Variants in TACC2 observed in about 807,000 individuals in gnomAD.
The protein encoded by TACC2 is transforming acidic coiled-coil containing protein 2.
TACC2 carries 137 observed loss-of-function variants against 227.3 expected under a neutral mutation model. The ratio of observed to expected loss-of-function variants is 0.60; its 90% CI spans 0.52 to 0.69. TACC2 has a LOEUF of 0.69. Among genes scored for constraint, TACC2 ranks in the 30% least tolerant of loss-of-function variants. The probability of loss-of-function intolerance (pLI) is 0.00; values close to 1 mark genes in which losing one functional copy is unlikely to be tolerated. For synonymous variants in TACC2, 1,523 were observed against 1,487.5 expected (o/e 1.02, Z -0.55); for missense variants, 3,470 against 3,694.4 (o/e 0.94, Z 1.57).
chr10:122,098,100 G>C (rs1046461240), intron 5 of TACC2, among the ~76,000 whole-genome samples: 1 of 152,136 alleles, frequency 6.6e-6, no homozygotes, highest in East Asian at 1.9e-4. Flanking sequence ...TTGACTCCCA[G>C]CCCAGGGCCC....
intron 11 of TACC2, among the ~76,000 whole-genome samples, chr10:122,224,398 G>A (rs1042729192): frequency 6.6e-5 from 10 of 152,186 alleles, no homozygotes; most frequent in Admixed American, 2.0e-4. Flanking sequence ...TGCACGTGCT[G>A]TCTTATGGGA....
intron 6 of TACC2, among the ~76,000 whole-genome samples, chr10:122,138,097 T>A (rs1178044160): frequency 3.3e-5 from 5 of 152,346 alleles, no homozygotes; most frequent in East Asian, 3.9e-4. Flanking sequence ...TAGTTTATTT[T>A]TTTTTTTTCT....
At chr10:122,149,505 A>AC (rs2091801526) in intron 7 of TACC2, among the ~76,000 whole-genome samples, 1 of 84,838 alleles carries the variant, frequency 1.2e-5, no homozygotes, top group Non-Finnish European at 2.4e-5. Flanking sequence ...TCCCGGCCCC[A>AC]CCCGCCCTGG....
At chr10:122,022,263 A>T (rs949612626) in intron 2 of TACC2, 5 of 430,678 alleles carry the variant, frequency 1.2e-5, no homozygotes, top group Non-Finnish European at 2.1e-5. Flanking sequence ...ATTTTTAAAG[A>T]CATGGTCTTG....
intron 5 of TACC2, among the ~76,000 whole-genome samples, chr10:122,089,577 A>G (rs1261042528): frequency 2.6e-5 from 4 of 152,246 alleles, no homozygotes. Context: ...GTGCACGTAC[A>G]CAGACACACA....
intron 1 of TACC2, among the ~76,000 whole-genome samples, chr10:122,008,831 C>A (rs1228881189): frequency 6.6e-6 from 1 of 152,212 alleles, no homozygotes; most frequent in African/African-American, 2.4e-5. Flanking sequence ...CCTTGGCCTC[C>A]CAAAGTGCTG....
chr10:122,188,372 C>T (rs551884440), intron 7 of TACC2, among the ~76,000 whole-genome samples: 19 of 152,102 alleles, frequency 1.2e-4, no homozygotes, highest in African/African-American at 4.3e-4. Context: ...CTCTGCCTCC[C>T]GGGTTCAAAC....
chr10:122,062,702 G>C (rs1269838516), intron 3 of TACC2, among the ~76,000 whole-genome samples: 3 of 152,134 alleles, frequency 2.0e-5, no homozygotes, highest in African/African-American at 7.2e-5. Context: ...CTCCTAGTTA[G>C]AACAAAAACA....
intron 5 of TACC2, among the ~76,000 whole-genome samples, chr10:122,130,546 G>A (rs1210007547): frequency 1.3e-5 from 2 of 152,098 alleles, no homozygotes; most frequent in Non-Finnish European, 2.9e-5. Flanking sequence ...CCTCCCCAAA[G>A]TGTTGGGATT....
intron 7 of TACC2, among the ~76,000 whole-genome samples, chr10:122,184,058 C>T (rs11817291): frequency 0.02 from 2,977 of 152,266 alleles, 86 homozygotes; most frequent in African/African-American, 0.067. Flanking sequence ...CATGAGGAAG[C>T]TCTGAGGGAC....
intron 7 of TACC2, among the ~76,000 whole-genome samples, chr10:122,186,694 G>A (rs2094205670): frequency 6.6e-6 from 1 of 152,052 alleles, no homozygotes; most frequent in African/African-American, 2.4e-5. Context: ...TATATTTTTA[G>A]TAGAGATGGG....
At chr10:122,089,077 C>T (rs1319534787) in intron 5 of TACC2, among the ~76,000 whole-genome samples, 2 of 152,150 alleles carry the variant, frequency 1.3e-5, no homozygotes, top group African/African-American at 4.8e-5. Context: ...CGTGTTTGTG[C>T]CACTGCACTC....
At chr10:122,143,975 T>C (rs7902188) in intron 7 of TACC2, among the ~76,000 whole-genome samples, 105,134 of 152,106 alleles carry the variant, frequency 0.69, 39,300 homozygotes, top group Non-Finnish European at 0.84. Flanking sequence ...GATGGATAGA[T>C]GGATGGATGA....
chr10:122,188,022 G>T (rs1248763901), intron 7 of TACC2, among the ~76,000 whole-genome samples: 1 of 152,034 alleles, frequency 6.6e-6, no homozygotes, highest in African/African-American at 2.4e-5. Flanking sequence ...TCCACATCCT[G>T]CCTGCCTTTT....
At chr10:122,014,195 C>T (rs1565068800) in intron 1 of TACC2, among the ~76,000 whole-genome samples, 1 of 151,538 alleles carries the variant, frequency 6.6e-6, no homozygotes, top group South Asian at 2.1e-4. Flanking sequence ...TCTAAGCCTT[C>T]ATCTTACCAT....
chr10:122,218,474 G>C (rs2095456958), intron 11 of TACC2, among the ~76,000 whole-genome samples: 1 of 152,144 alleles, frequency 6.6e-6, no homozygotes, highest in Non-Finnish European at 1.5e-5. Context: ...CGGAGGCATG[G>C]TTTGCTTTGT....
intron 16 of TACC2, 97 bp from the exon 17 acceptor site, chr10:122,237,298 C>A: frequency 8.3e-7 from 1 of 1,207,932 alleles, no homozygotes; most frequent in Non-Finnish European, 1.1e-6. Flanking sequence ...TGTTTCAAAA[C>A]CATACAATTG....
intron 1 of TACC2, among the ~76,000 whole-genome samples, chr10:121,991,706 T>C (rs1355617576): frequency 6.6e-6 from 1 of 152,222 alleles, no homozygotes; most frequent in African/African-American, 2.4e-5. Flanking sequence ...TTACAGACAT[T>C]GGAACTCTGA....
chr10:122,133,513 A>T (rs139038254), intron 6 of TACC2, among the ~76,000 whole-genome samples: 1 of 152,168 alleles, frequency 6.6e-6, no homozygotes, highest in African/African-American at 2.4e-5. Flanking sequence ...CTACATGTCT[A>T]TACACACACA....
Sources: allele counts gnomAD v4.1 joint callset (sites outside exome capture counted in the v4.1 genomes callset), GRCh38; gene constraint gnomAD v4.1.1; transcripts MANE v1.5; gene names NCBI Gene and HGNC (gene_info 2026-07-23, HGNC 2026-07-21).